TOX: variants seen among roughly 807,000 people sequenced by gnomAD.
TOX encodes thymocyte selection associated high mobility group box, also known as thymocyte selection-associated high mobility group box protein TOX.
TOX carries 11 observed loss-of-function variants against 53.7 expected under a neutral mutation model. The observed-to-expected ratio is 0.20, with a 90% CI of 0.13 to 0.34. The LOEUF (loss-of-function observed/expected upper bound fraction) is 0.34, where lower values mean the gene tolerates loss of function less well. TOX is among the 10% of genes least tolerant of loss of function. The pLI, the probability that TOX is intolerant of heterozygous loss-of-function variation, is 1.00. For missense variants in TOX, 570 were observed against 664.6 expected (o/e 0.86, Z 1.56); for synonymous variants, 225 against 245.3 (o/e 0.92, Z 0.77).
intron 1 of TOX, among the ~76,000 whole-genome samples, chr8:59,098,497 T>C (rs1354111409): frequency 6.6e-6 from 1 of 152,004 alleles, no homozygotes; most frequent in East Asian, 1.9e-4. Flanking sequence ...GCTGGTATTA[T>C]ATGTGTGAAA....
chr8:59,104,769 C>T (rs1313032578), intron 1 of TOX, among the ~76,000 whole-genome samples: 7 of 152,152 alleles, frequency 4.6e-5, no homozygotes, highest in Non-Finnish European at 8.8e-5. Context: ...GAGTAACTTT[C>T]CCCTTCTTCA....
At chr8:58,821,379 T>C (rs1481771415) in intron 6 of TOX, among the ~76,000 whole-genome samples, 1 of 152,204 alleles carries the variant, frequency 6.6e-6, no homozygotes, top group Non-Finnish European at 1.5e-5. Context: ...GCTTCCTATG[T>C]TCAGGATGCT....
chr8:59,001,969 CTTTTTTTTTTTT>C (rs1182278313), intron 1 of TOX, among the ~76,000 whole-genome samples: 3 of 114,636 alleles, frequency 2.6e-5, no homozygotes, highest in African/African-American at 1.1e-4. Context: ...TACAGAAGTA[CTTTTTTTTTTTT>C]TTTTTTTTTT....
intron 2 of TOX, among the ~76,000 whole-genome samples, chr8:58,955,594 G>A (rs1246933476): frequency 6.6e-6 from 1 of 152,118 alleles, no homozygotes; most frequent in East Asian, 1.9e-4. Flanking sequence ...ATTATTTCTT[G>A]TATTAAAAAG....
chr8:58,828,922 T>C (rs1810407732), intron 5 of TOX, among the ~76,000 whole-genome samples: 1 of 152,208 alleles, frequency 6.6e-6, no homozygotes, highest in African/African-American at 2.4e-5. Context: ...TTTATGGTAA[T>C]GCATTTTTGT....
chr8:59,082,421 C>T (rs1269973253), intron 1 of TOX, among the ~76,000 whole-genome samples: 1 of 152,242 alleles, frequency 6.6e-6, no homozygotes, highest in Admixed American at 6.5e-5. Context: ...TTAGGCCAAA[C>T]TAGTAGTTTG....
chr8:59,026,728 CAAGTCATCCAAAAGA>C (rs1814246538), intron 1 of TOX, among the ~76,000 whole-genome samples: 1 of 152,086 alleles, frequency 6.6e-6, no homozygotes, highest in Non-Finnish European at 1.5e-5. Context: ...CTTAAAGTTT[CAAGTCATCCAAAAGA>C]AATATGCTCC....
intron 3 of TOX, among the ~76,000 whole-genome samples, chr8:58,886,538 C>T (rs952251935): frequency 6.6e-6 from 1 of 151,962 alleles, no homozygotes; most frequent in South Asian, 2.1e-4. Context: ...ACAGATTCTA[C>T]CTGTGGTCAG....
At chr8:58,866,093 C>T (rs1482503572) in intron 3 of TOX, among the ~76,000 whole-genome samples, 1 of 152,100 alleles carries the variant, frequency 6.6e-6, no homozygotes, top group Non-Finnish European at 1.5e-5. Context: ...CCTCAGCCTC[C>T]CAAAGTGCTG....
intron 5 of TOX, among the ~76,000 whole-genome samples, chr8:58,833,270 G>T (rs1439528257): frequency 6.6e-6 from 1 of 152,156 alleles, no homozygotes. Context: ...TTTACATCTG[G>T]TTCTGATTTA....
chr8:58,910,657 T>C (rs1382198390), intron 3 of TOX, among the ~76,000 whole-genome samples: 1 of 152,210 alleles, frequency 6.6e-6, no homozygotes, highest in Non-Finnish European at 1.5e-5. Flanking sequence ...TATGATTTGA[T>C]TTATCAAAAT....
intron 1 of TOX, among the ~76,000 whole-genome samples, chr8:59,036,544 C>T (rs1312894845): frequency 1.3e-5 from 2 of 152,170 alleles, no homozygotes; most frequent in Non-Finnish European, 2.9e-5. Flanking sequence ...ATCCTAAACA[C>T]ACCTATGTCC....
chr8:59,047,203 GTTTTTTTTTTTTTTTTTTTTTT>G (rs10551461), intron 1 of TOX, among the ~76,000 whole-genome samples: 1 of 44,674 alleles, frequency 2.2e-5, no homozygotes, highest in East Asian at 6.9e-4. Flanking sequence ...ACCAAGAATT[GTTTTTTTTTTTTTTTTTTTTTT>G]TTTTTTTTTG....
At chr8:59,069,866 A>G (rs1804162299) in intron 1 of TOX, among the ~76,000 whole-genome samples, 1 of 152,204 alleles carries the variant, frequency 6.6e-6, no homozygotes, top group Non-Finnish European at 1.5e-5. Context: ...CACAGAGTTC[A>G]GTGTTGACCT....
chr8:59,103,460 T>C (rs537402048), intron 1 of TOX, among the ~76,000 whole-genome samples: 1 of 152,346 alleles, frequency 6.6e-6, no homozygotes, highest in East Asian at 1.9e-4. Context: ...CAGAGTTGAC[T>C]TAATTGTAAG....
intron 8 of TOX, 38 bp downstream of exon 8, chr8:58,808,080 C>T: frequency 1.9e-6 from 3 of 1,588,628 alleles, no homozygotes; most frequent in Non-Finnish European, 2.6e-6. Context: ...ATGCTATGAG[C>T]GCTGTCCACC....
In TOX at chr8:59,042,219, G is replaced by A. The variant is rs951213921; in HGVS notation, c.102+76667C>T. 4.3e-4 allele frequency among the ~76,000 whole-genome samples: 66 copies of A among 152,146 alleles called. 1 individual carries two copies. The highest frequency in any genetic ancestry group is 9.2e-4 in the Admixed American group (14 of 15,270). ...ATGGGTGTTTGCACTGCATGTCAAG[G>A]AGCCCTGAGTATTGCCTGTCAAGAA... On this transcript the variant is annotated intron_variant, in intron 1 of 8. Coordinates refer to ENST00000361421, the MANE Select transcript of TOX (RefSeq NM_014729.3).
At position 58,821,369 on chromosome 8, in the gene TOX, G is replaced by A. The variant is rs540269657; in HGVS notation, c.1005+5453C>T. ...TACTCATAGCTTATATTTATTAAGT[G>A]CTTCCTATGTTCAGGATGCTGAGTC... On this transcript the variant is annotated intron_variant, in intron 6 of 8. Transcript: ENST00000361421. 8.1e-4 allele frequency among the ~76,000 whole-genome samples: 123 copies of A among 152,078 alleles called. 1 individual carries two copies. Among genetic ancestry groups the A allele is most frequent in the African/African-American group, 2.8e-3 (118 of 41,496 alleles).
chr8:58,962,171 C>A (rs1812810672), intron 1 of TOX, among the ~76,000 whole-genome samples: 1 of 152,154 alleles, frequency 6.6e-6, no homozygotes, highest in South Asian at 2.1e-4. Flanking sequence ...TTGAGTCTAT[C>A]CAACATGTAC....
Sources: allele counts gnomAD v4.1 joint callset (sites outside exome capture counted in the v4.1 genomes callset), GRCh38; gene constraint gnomAD v4.1.1; transcripts MANE v1.5; gene names NCBI Gene and HGNC (gene_info 2026-07-23, HGNC 2026-07-21).